The following DOCK4 variants were observed in gnomAD, a reference collection of about 807,000 sequenced individuals.
DOCK4 encodes the protein dedicator of cytokinesis 4.
A neutral mutation model predicts 268.1 loss-of-function variants in DOCK4; 97 were observed. That is an observed-to-expected ratio of 0.36 (90% CI 0.31 to 0.43). The LOEUF (loss-of-function observed/expected upper bound fraction) is 0.43, where lower values mean the gene tolerates loss of function less well. DOCK4 is among the 20% of genes least tolerant of loss of function. The pLI, the probability that DOCK4 is intolerant of heterozygous loss-of-function variation, is 1.00. For missense variants in DOCK4, 2,145 were observed against 2,455.7 expected (o/e 0.87, Z 2.67); for synonymous variants, 954 against 887.2 (o/e 1.08, Z -1.34).
chr7:111,742,917 G>C (rs778975639), intron 44 of DOCK4, among the ~76,000 whole-genome samples: 1 of 152,008 alleles, frequency 6.6e-6, no homozygotes, highest in East Asian at 1.9e-4. Context: ...GCTTGAATCC[G>C]GGAGGTGGAG....
chr7:111,747,659 G>A (rs932451654), intron 42 of DOCK4, among the ~76,000 whole-genome samples: 2 of 152,194 alleles, frequency 1.3e-5, no homozygotes, highest in Non-Finnish European at 2.9e-5. Flanking sequence ...CTTATTCATT[G>A]AAATGTGGTT....
chr7:111,915,954 A>G (rs754357478), intron 12 of DOCK4, 50 bp from the exon 13 acceptor site: 2 of 1,572,990 alleles, frequency 1.3e-6, no homozygotes, highest in African/African-American at 1.4e-5. Context: ...GAAATAGAAT[A>G]AAGAGAAACT....
intron 27 of DOCK4, among the ~76,000 whole-genome samples, chr7:111,818,583 C>T (rs759667803): frequency 4.6e-5 from 7 of 152,196 alleles, no homozygotes; most frequent in African/African-American, 7.2e-5. Context: ...GCTATCCGCC[C>T]GTCCAAGTCA....
At chr7:112,159,143 T>C (rs989213208) in intron 1 of DOCK4, among the ~76,000 whole-genome samples, 1 of 152,204 alleles carries the variant, frequency 6.6e-6, no homozygotes, top group African/African-American at 2.4e-5. Context: ...CCTAGAAATA[T>C]GTTATTGTCT....
At chr7:111,874,993 T>C (rs1806735622) in intron 17 of DOCK4, among the ~76,000 whole-genome samples, 2 of 152,224 alleles carry the variant, frequency 1.3e-5, no homozygotes, top group Non-Finnish European at 2.9e-5. Flanking sequence ...ACATAGCAAT[T>C]TAATTCCAAT....
chr7:111,983,838 ACACACACGCGCGCGCGCGCGCGCG>A lies in DOCK4; in HGVS notation c.549+444_549+467del, dbSNP rs1244797261. On this transcript the variant is annotated intron_variant, in intron 7 of 52. Coordinates refer to ENST00000428084, the MANE Select transcript of DOCK4 (RefSeq NM_001363540.2). ...GTATATAGTGCTATTATGTATGTAC[ACACACACGCGCGCGCGCGCGCGCG>A]CACACACACACACACACACACACAC... Among the ~76,000 whole-genome samples the A allele has an allele frequency of 2.6e-3, 242 of 94,076 alleles. 2 individuals carry two copies. Among genetic ancestry groups the A allele is most frequent in the African/African-American group, 9.0e-3 (208 of 23,042 alleles). The allele number at this position is 94,076 out of a possible 152,430, so 61.7% of individuals were successfully genotyped here.
At chr7:111,906,243 T>C (rs1179952411) in intron 13 of DOCK4, among the ~76,000 whole-genome samples, 1 of 152,162 alleles carries the variant, frequency 6.6e-6, no homozygotes, top group Non-Finnish European at 1.5e-5. Flanking sequence ...ATTACAGTTC[T>C]AGGGACTATC....
At chr7:112,186,532 T>C (rs1819508421) in intron 1 of DOCK4, among the ~76,000 whole-genome samples, 1 of 152,240 alleles carries the variant, frequency 6.6e-6, no homozygotes. Flanking sequence ...ATGTATGACC[T>C]TGGCATAGGG....
intron 1 of DOCK4, among the ~76,000 whole-genome samples, chr7:112,106,106 CAACT>C (rs901889176): frequency 4.6e-5 from 7 of 152,204 alleles, no homozygotes; most frequent in Non-Finnish European, 8.8e-5. Context: ...GCACAACATT[CAACT>C]AACTACAGTT....
chr7:111,778,212 C>A, intron 36 of DOCK4, 64 bp downstream of exon 36: 1 of 1,132,242 alleles, frequency 8.8e-7, no homozygotes, highest in Admixed American at 2.0e-5. Flanking sequence ...TTACAAAAAG[C>A]GGAGGAATGA....
intron 1 of DOCK4, among the ~76,000 whole-genome samples, chr7:112,108,663 A>T (rs1811351148): frequency 6.6e-6 from 1 of 152,250 alleles, no homozygotes. Flanking sequence ...GACCAAACAC[A>T]GCAAGTTTCC....
intron 44 of DOCK4, among the ~76,000 whole-genome samples, chr7:111,743,345 G>C (rs10262913): frequency 0.025 from 3,773 of 152,296 alleles, 123 homozygotes; most frequent in African/African-American, 0.068. Flanking sequence ...TGAAAGCTCA[G>C]GTCAAACAGG....
Position 112,042,953 on chromosome 7 carries a change from G to A in DOCK4, c.38-38822C>T, listed in dbSNP as rs111398691. On this transcript the variant is annotated intron_variant, in intron 1 of 52. Coordinates refer to ENST00000428084, the MANE Select transcript of DOCK4 (RefSeq NM_001363540.2). ...CTCTCGTGCTTGTTTCTTTTGCACC[G>A]CCCCGCCCGCAAGTTCTCCCACCAT... is the stretch of plus-strand genomic sequence containing the variant. 3.4e-3 allele frequency among the ~76,000 whole-genome samples: 514 copies of A among 152,190 alleles called. 3 individuals are homozygous for A. The highest frequency in any genetic ancestry group is 0.012 in the African/African-American group (486 of 41,538).
At chr7:111,885,424 T>C (rs1807758158) in intron 16 of DOCK4, among the ~76,000 whole-genome samples, 1 of 152,138 alleles carries the variant, frequency 6.6e-6, no homozygotes, top group Non-Finnish European at 1.5e-5. Flanking sequence ...AGCATGGCAA[T>C]GTGGATATGA....
intron 36 of DOCK4, 37 bp from the exon 37 acceptor site, chr7:111,769,714 A>G (rs751819585): frequency 1.3e-6 from 2 of 1,581,678 alleles, no homozygotes; most frequent in Non-Finnish European, 1.7e-6. Context: ...TTGAGACAGG[A>G]CCCCAAGCCA....
At chr7:112,153,975 T>G (rs1461335991) in intron 1 of DOCK4, among the ~76,000 whole-genome samples, 1 of 152,008 alleles carries the variant, frequency 6.6e-6, no homozygotes, top group African/African-American at 2.4e-5. Context: ...ATGTAGCAAT[T>G]TTTGTTGTTG....
chr7:111,732,773 C>T (rs990896892), intron 51 of DOCK4, among the ~76,000 whole-genome samples: 16 of 152,200 alleles, frequency 1.1e-4, no homozygotes, highest in Non-Finnish European at 2.2e-4. Flanking sequence ...AACCCCAGTA[C>T]TCCCCAAATA....
At chr7:111,805,307 G>C (rs1355889865) in intron 30 of DOCK4, among the ~76,000 whole-genome samples, 2 of 152,138 alleles carry the variant, frequency 1.3e-5, no homozygotes, top group Admixed American at 6.5e-5. Flanking sequence ...AGAGAAGTTA[G>C]AACTCGCTTC....
chr7:111,856,675 G>C (rs555248385), intron 23 of DOCK4, among the ~76,000 whole-genome samples: 180 of 152,284 alleles, frequency 1.2e-3, no homozygotes, highest in Non-Finnish European at 1.7e-3. Context: ...CACCTGGAAA[G>C]GGCTTCACCC....
Sources: allele counts gnomAD v4.1 joint callset (sites outside exome capture counted in the v4.1 genomes callset), GRCh38; gene constraint gnomAD v4.1.1; transcripts MANE v1.5; gene names NCBI Gene and HGNC (gene_info 2026-07-23, HGNC 2026-07-21).